The following NISCH variants were observed in gnomAD, a reference collection of about 807,000 sequenced individuals.
NISCH encodes nischarin, also known as I-1 receptor candidate protein.
NISCH carries 55 observed loss-of-function variants against 138.4 expected under a neutral mutation model. That is an observed-to-expected ratio of 0.40 (90% confidence interval 0.32 to 0.50). The LOEUF (loss-of-function observed/expected upper bound fraction) is 0.50. Ranked by LOEUF, NISCH falls within the 20% of genes least tolerant of loss-of-function variation. The pLI is 0.71. For missense variants in NISCH, 1,643 were observed against 2,005.5 expected, an observed-to-expected ratio of 0.82 and a Z score of 3.45; for synonymous variants, 860 against 861.5, an observed-to-expected ratio of 1.00 and a Z score of 0.03.
chr3:52,457,821 G>A lies in NISCH; in HGVS notation c.94-22G>A, dbSNP rs375010912. On this transcript the variant is annotated intron_variant, in intron 1 of 20. Transcript: ENST00000345716. ...TGTTGCTGGGCTCCCTTGCCACAAG[G>A]GCTGTTGGTTTCCCCTTTTAGGTTT... 42 of 1,587,412 alleles carry A rather than the reference G, an allele frequency of 2.6e-5. No individual in the cohort carries two copies. In the African/African-American group the frequency reaches 4.0e-4, roughly 15 times the overall value.
In NISCH at chr3:52,490,135, G is replaced by A; in HGVS notation, c.3517G>A (p.Gly1173Arg). 1 of 1,613,598 alleles carries A rather than the reference G, an allele frequency of 6.2e-7. No homozygotes were observed. The highest frequency in any genetic ancestry group is 8.5e-7 in the Non-Finnish European group (1 of 1,180,028). Residue 1173 changes from glycine to arginine, a missense_variant, in exon 18 of 21, where the codon GGG becomes AGG. Physicochemically the swap from Gly to Arg is moderately radical, Grantham distance 125. Coordinates refer to ENST00000345716, the MANE Select transcript of NISCH (RefSeq NM_007184.4). ...CTCGGTGGTGTTCTACCAGACCCCA[G>A]GGCTGGAGGTGACTGCCTGCGTGCT... ...WSSVVFYQTP[G>R]LEVTACVLLS...
At chr3:52,483,170 A>G (rs933411738) in intron 13 of NISCH, among the ~76,000 whole-genome samples, 20 of 151,780 alleles carry the variant, frequency 1.3e-4, no homozygotes, top group African/African-American at 4.4e-4. Flanking sequence ...CTGCCTGCCT[A>G]CCCCCTGCTG....
At chr3:52,465,453 G>A (rs979647176) in intron 3 of NISCH, among the ~76,000 whole-genome samples, 1 of 152,150 alleles carries the variant, frequency 6.6e-6, no homozygotes, top group Non-Finnish European at 1.5e-5. Flanking sequence ...TTAATAACAA[G>A]GAAAGAAAGC....
chr3:52,463,629 A>G (rs912085678), intron 3 of NISCH, among the ~76,000 whole-genome samples: 1 of 151,232 alleles, frequency 6.6e-6, no homozygotes, highest in Admixed American at 6.6e-5. Context: ...TTTTTTTTTA[A>G]ATCTTAGTTG....
intron 3 of NISCH, among the ~76,000 whole-genome samples, chr3:52,461,173 G>A (rs1706622032): frequency 6.6e-6 from 1 of 152,212 alleles, no homozygotes; most frequent in South Asian, 2.1e-4. Context: ...GGGAAGGGGA[G>A]GTTGCAGTGA....
At chr3:52,474,012 T>A (rs1433049220) in intron 7 of NISCH, among the ~76,000 whole-genome samples, 183 bp downstream of exon 7, 1 of 152,228 alleles carries the variant, frequency 6.6e-6, no homozygotes, top group Non-Finnish European at 1.5e-5. Flanking sequence ...CCTGGGACAC[T>A]TTAGTTCACA....
intron 3 of NISCH, among the ~76,000 whole-genome samples, chr3:52,465,284 C>T (rs113680941): frequency 1.1e-4 from 16 of 152,192 alleles, no homozygotes; most frequent in Middle Eastern, 3.4e-3. Context: ...CATATGCCAC[C>T]GTACTTGGCT....
At chr3:52,475,352 T>C (rs1707070970) in intron 7 of NISCH, among the ~76,000 whole-genome samples, 2 of 152,202 alleles carry the variant, frequency 1.3e-5, no homozygotes, top group African/African-American at 4.8e-5. Context: ...TCAAAACAAA[T>C]AGGCCTGCCT....
chr3:52,459,640 G>C (rs1290975347), intron 3 of NISCH, among the ~76,000 whole-genome samples: 2 of 151,746 alleles, frequency 1.3e-5, no homozygotes, highest in Admixed American at 6.6e-5. Flanking sequence ...CACCATGTTG[G>C]CCAGACTGGT....
Position 52,492,086 on chromosome 3 carries a change from C to T in NISCH, c.4119C>T (p.Leu1373=). 1 of 1,613,154 alleles carries T rather than the reference C, an allele frequency of 6.2e-7. No homozygotes were observed. The highest frequency in any genetic ancestry group is 1.3e-5 in the African/African-American group (1 of 75,064). ...CCRGPLRPKT[L]LLTSSEIFLL... ...GGGGCCCCCTGCGCCCCAAGACACTCCTGCTCACCAGCTCCGAGATCTTCC... is the reference window on the plus strand; with the variant it reads ...GGGGCCCCCTGCGCCCCAAGACACTTCTGCTCACCAGCTCCGAGATCTTCC... Residue 1373 remains leucine, a synonymous_variant, in exon 21 of 21, where the codon CTC becomes CTT. Transcript: ENST00000345716.
At chr3:52,471,720 C>A in intron 4 of NISCH, 94 bp from the exon 5 acceptor site, 1 of 1,437,300 alleles carries the variant, frequency 7.0e-7, no homozygotes, top group Non-Finnish European at 9.5e-7. Context: ...TGGGTGCTTG[C>A]CAACTGCTTG....
chr3:52,483,170 A>T (rs933411738), intron 13 of NISCH, among the ~76,000 whole-genome samples: 1 of 151,780 alleles, frequency 6.6e-6, no homozygotes, highest in South Asian at 2.1e-4. Context: ...CTGCCTGCCT[A>T]CCCCCTGCTG....
chr3:52,490,514 C>A (rs776579374), intron 18 of NISCH, among the ~76,000 whole-genome samples, 191 bp from the exon 19 acceptor site: 33 of 152,160 alleles, frequency 2.2e-4, no homozygotes, highest in Admixed American at 1.3e-3. Flanking sequence ...GCACAGGAAG[C>A]CCTAGCCAGC....
intron 18 of NISCH, 92 bp downstream of exon 18, chr3:52,490,323 C>T: frequency 1.4e-6 from 2 of 1,450,380 alleles, no homozygotes; most frequent in Non-Finnish European, 9.4e-7. Flanking sequence ...TGTGTGGCTT[C>T]AGGCAGCAGT....
In NISCH at chr3:52,487,661, C is replaced by T. The variant is rs747942769; in HGVS notation, c.2169C>T (p.Arg723=). The change falls in exon 16 of 21, where the codon CGC becomes CGT. Residue 723 remains arginine (R), a synonymous_variant. Transcript: ENST00000345716. This position sits in a 1 kb window ranked among gnomAD's most constrained non-coding sequence, Gnocchi z 9.1. ...CFLIHVQGSI[R]QFAACLVLTD... ...TGATCCATGTGCAGGGCAGTATCCG[C>T]CAGTTCGCCGCCTGCCTTGTGCTCA... 45 of 1,613,666 alleles carry T rather than the reference C, an allele frequency of 2.8e-5. No homozygotes were observed. The highest frequency in any genetic ancestry group is 3.8e-5 in the Non-Finnish European group (45 of 1,180,014).
At chr3:52,462,303 A>G (rs1214003038) in intron 3 of NISCH, among the ~76,000 whole-genome samples, 1 of 152,226 alleles carries the variant, frequency 6.6e-6, no homozygotes, top group Non-Finnish European at 1.5e-5. Flanking sequence ...TGTCCCATGC[A>G]TTGTTTAGCA....
chr3:52,491,861 T>C lies in NISCH; in HGVS notation c.3905-11T>C. The C allele has an allele frequency of 1.3e-6, 2 of 1,572,566 alleles. No individual in the cohort carries two copies. Among genetic ancestry groups the C allele is most frequent in the South Asian group, 2.4e-5 (2 of 85,008 alleles). On this transcript the variant is annotated splice_polypyrimidine_tract_variant and intron_variant, in intron 20 of 20. Transcript: ENST00000345716. ...GTTCCAGGCTATAGCCCAGGTGGCA[T>C]CTCTCTGCAGGGAAGATGGAGAACT...
chr3:52,479,159 C>T (rs1399697482), intron 11 of NISCH, among the ~76,000 whole-genome samples: 1 of 152,212 alleles, frequency 6.6e-6, no homozygotes, highest in African/African-American at 2.4e-5. Context: ...ATGCCATCTC[C>T]TCCCCTCCTG....
At chr3:52,456,083 G>A (rs961669153) in intron 1 of NISCH, among the ~76,000 whole-genome samples, 1 of 152,112 alleles carries the variant, frequency 6.6e-6, no homozygotes, top group African/African-American at 2.4e-5. Context: ...GCCCCGGCCT[G>A]GAAGACCGTT....
Sources: allele counts gnomAD v4.1 joint callset (sites outside exome capture counted in the v4.1 genomes callset), GRCh38; gene constraint gnomAD v4.1.1; non-coding constraint Gnocchi (gnomAD v3.1); transcripts MANE v1.5; gene names NCBI Gene and HGNC (gene_info 2026-07-23, HGNC 2026-07-21).